The following ULK4 variants were observed in gnomAD, a reference collection of about 807,000 sequenced individuals.
ULK4 encodes inactive serine/threonine-protein kinase ULK4.
Under a neutral mutation model 160.6 loss-of-function variants are expected in ULK4, and 133 were observed. That is an observed-to-expected ratio of 0.83 (90% confidence interval 0.72 to 0.96). The LOEUF is 0.96. Among genes scored for constraint, ULK4 ranks in the 40% least tolerant of loss-of-function variants. The probability of loss-of-function intolerance (pLI) is 0.00; values close to 1 mark genes in which losing one functional copy is unlikely to be tolerated. For synonymous variants in ULK4, 534 were observed against 539.8 expected, an observed-to-expected ratio of 0.99 and a Z score of 0.15; for missense variants, 1,580 against 1,499.5, an observed-to-expected ratio of 1.05 and a Z score of -0.89.
chr3:41,940,327 C>T (rs932491921), intron 2 of ULK4, among the ~76,000 whole-genome samples: 4 of 152,218 alleles, frequency 2.6e-5, no homozygotes, highest in African/African-American at 9.6e-5. Context: ...ACTGAGCTCC[C>T]ACCTCCTTGG....
chr3:41,957,142 TC>T (rs1700509047), intron 1 of ULK4, among the ~76,000 whole-genome samples: 1 of 152,138 alleles, frequency 6.6e-6, no homozygotes, highest in Non-Finnish European at 1.5e-5. Flanking sequence ...GACAATTTAA[TC>T]TAAGTAATTC....
At chr3:41,901,234 C>T (rs1392224936) in intron 12 of ULK4, among the ~76,000 whole-genome samples, 1 of 140,696 alleles carries the variant, frequency 7.1e-6, no homozygotes, top group South Asian at 2.2e-4. Context: ...GGCTGGAGTA[C>T]AGTAGCGTGA....
chr3:41,270,326 T>C (rs1158926722), intron 35 of ULK4, among the ~76,000 whole-genome samples: 1 of 152,104 alleles, frequency 6.6e-6, no homozygotes, highest in Non-Finnish European at 1.5e-5. Context: ...TGGGGAGCTG[T>C]GACTTTGAAG....
At chr3:41,750,795 G>A (rs981646272) in intron 22 of ULK4, among the ~76,000 whole-genome samples, 7 of 151,738 alleles carry the variant, frequency 4.6e-5, no homozygotes, top group Non-Finnish European at 7.4e-5. Context: ...CGGGAGTTCA[G>A]CCTGACCAAC....
chr3:41,329,656 C>G (rs1399459863), intron 35 of ULK4, among the ~76,000 whole-genome samples: 1 of 152,158 alleles, frequency 6.6e-6, no homozygotes, highest in Non-Finnish European at 1.5e-5. Context: ...AGCTCTACCT[C>G]ATTATTTTTA....
intron 22 of ULK4, among the ~76,000 whole-genome samples, chr3:41,736,945 G>A (rs1302738990): frequency 3.3e-5 from 5 of 151,624 alleles, no homozygotes; most frequent in African/African-American, 4.9e-5. Flanking sequence ...TTTATTAAAT[G>A]GGGAATCCTT....
chr3:41,642,358 G>C (rs561983465), intron 30 of ULK4, among the ~76,000 whole-genome samples: 4 of 151,810 alleles, frequency 2.6e-5, no homozygotes, highest in African/African-American at 9.7e-5. Flanking sequence ...CCCCACAACA[G>C]TCCCCAGAGA....
At chr3:41,778,047 C>G in intron 21 of ULK4, among the ~76,000 whole-genome samples, 1 of 128,678 alleles carries the variant, frequency 7.8e-6, no homozygotes, top group African/African-American at 3.5e-5. Context: ...CAAATTGTCC[C>G]TGTTTGCAGA....
chr3:41,343,208 C>T (rs1575449929), intron 35 of ULK4, among the ~76,000 whole-genome samples: 1 of 145,326 alleles, frequency 6.9e-6, no homozygotes, highest in African/African-American at 2.5e-5. Flanking sequence ...AAAGGGTATT[C>T]AAATAGGAAA....
chr3:41,683,856 C>T (rs2036006312), intron 27 of ULK4, among the ~76,000 whole-genome samples: 2 of 151,998 alleles, frequency 1.3e-5, no homozygotes, highest in Admixed American at 6.6e-5. Flanking sequence ...TTTGCCACGC[C>T]TTGTGGGAAA....
intron 30 of ULK4, among the ~76,000 whole-genome samples, chr3:41,656,643 T>C (rs1286634689): frequency 1.3e-5 from 2 of 152,192 alleles, no homozygotes; most frequent in Non-Finnish European, 2.9e-5. Flanking sequence ...GACAGGTGAC[T>C]GTATGGCCAG....
At chr3:41,530,358 T>C (rs753609265) in intron 32 of ULK4, among the ~76,000 whole-genome samples, 1 of 152,162 alleles carries the variant, frequency 6.6e-6, no homozygotes, top group Non-Finnish European at 1.5e-5. Context: ...TCCGGGACCA[T>C]CAAGGAAATT....
intron 30 of ULK4, among the ~76,000 whole-genome samples, chr3:41,657,378 A>G (rs1444635059): frequency 6.6e-6 from 1 of 152,222 alleles, no homozygotes; most frequent in Non-Finnish European, 1.5e-5. Flanking sequence ...AAACAAAATT[A>G]AAACGCATAT....
At chr3:41,721,393 T>C (rs1396156117) in intron 22 of ULK4, among the ~76,000 whole-genome samples, 1 of 124,582 alleles carries the variant, frequency 8.0e-6, no homozygotes, top group African/African-American at 3.1e-5. Context: ...AAACGGAATC[T>C]CACTCTGTCA....
chr3:41,326,299 G>T lies in ULK4; in HGVS notation c.3678+71780C>A, dbSNP rs527451188. Among the ~76,000 whole-genome samples, 70 of 152,218 alleles carry T rather than the reference G, an allele frequency of 4.6e-4. 1 individual carries two copies. Among genetic ancestry groups the T allele is most frequent in the African/African-American group, 1.7e-3 (69 of 41,524 alleles). On this transcript the variant is annotated intron_variant, in intron 35 of 36. Transcript: ENST00000301831. ...AAATACAAGTTTGCAGCTAATTCCT[G>T]CAAGAATTTCATTATTAACTGAAGT...
intron 32 of ULK4, among the ~76,000 whole-genome samples, chr3:41,465,260 A>C (rs1322341666): frequency 6.6e-6 from 1 of 152,208 alleles, no homozygotes; most frequent in African/African-American, 2.4e-5. Flanking sequence ...GAGACAGTTC[A>C]GCAAAATGTA....
chr3:41,466,852 C>T (rs751099742), intron 32 of ULK4, among the ~76,000 whole-genome samples: 4 of 151,684 alleles, frequency 2.6e-5, no homozygotes, highest in Non-Finnish European at 5.9e-5. Flanking sequence ...TCCCACAACT[C>T]GATAATAAAA....
At chr3:41,823,521 G>C (rs1274036785) in intron 18 of ULK4, among the ~76,000 whole-genome samples, 1 of 152,208 alleles carries the variant, frequency 6.6e-6, no homozygotes, top group Non-Finnish European at 1.5e-5. Flanking sequence ...AACTGAAAAT[G>C]TGTTGCCTTA....
At chr3:41,802,171 GA>G (rs1002070763) in intron 19 of ULK4, among the ~76,000 whole-genome samples, 1 of 151,880 alleles carries the variant, frequency 6.6e-6, no homozygotes, top group African/African-American at 2.4e-5. Flanking sequence ...TATTCATGCA[GA>G]AAAAAATGAT....
Sources: gnomAD v4.1 joint callset for allele counts (sites outside exome capture counted in the v4.1 genomes callset) on GRCh38, gnomAD v4.1.1 for gene constraint, MANE v1.5 for transcripts, NCBI Gene and HGNC (gene_info 2026-07-23, HGNC 2026-07-21) for gene names.